Variants in FNDC4 observed in about 807,000 individuals in gnomAD.
The protein encoded by FNDC4 is fibronectin type III domain-containing protein 4.
In FNDC4, 11 loss-of-function variants were observed where a neutral mutation model predicts 25.1. The observed-to-expected ratio is 0.44, with a 90% CI of 0.28 to 0.73. The LOEUF is 0.73. Among genes scored for constraint, FNDC4 ranks in the 30% least tolerant of loss-of-function variants. FNDC4 has a pLI of 0.16. For synonymous variants in FNDC4, 136 were observed against 118.8 expected, an observed-to-expected ratio of 1.14 and a Z score of -0.94; for missense variants, 250 against 304.3, an observed-to-expected ratio of 0.82 and a Z score of 1.33.
intron 5 of FNDC4, 66 bp downstream of exon 5, chr2:27,493,323 C>A (rs2148574067): frequency 7.6e-7 from 1 of 1,323,320 alleles, no homozygotes; most frequent in South Asian, 1.2e-5. Flanking sequence ...TTCTTTTTCT[C>A]CTGACAACCT....
Position 27,492,667 on chromosome 2 carries a change from T to C in FNDC4, c.668A>G (p.Gln223Arg). Residue 223 changes from glutamine to arginine, a missense_variant and splice_region_variant, in exon 6 of 7, where the codon CAG becomes CGG. By Grantham distance (43) the Gln-to-Arg change is conservative. Transcript: ENST00000264703. This position sits in a 1 kb window ranked among gnomAD's most constrained non-coding sequence, Gnocchi z 4.1. ...SPQGRPVGTRQKKSPSINTID... is the reference protein window; with the variant it reads ...SPQGRPVGTRRKKSPSINTID... Reference sequence around the variant, plus strand: ...CGCCCTCACTGGCCCCCACATCACCTGTCTTGTCCCCACTGGCCTTCCCTG... The same window carrying C: ...CGCCCTCACTGGCCCCCACATCACCCGTCTTGTCCCCACTGGCCTTCCCTG... 6.2e-7 allele frequency: 1 copy of C among 1,614,102 alleles called. No homozygotes were observed. Among genetic ancestry groups the C allele is most frequent in the Non-Finnish European group, 8.5e-7 (1 of 1,180,008 alleles).
rs1343575750 is a variant in FNDC4 at position 27,493,456 on chromosome 2, C to T, written c.477G>A (p.Leu159=). ...SSPGDITVEG[L]DGERPLQTGE... is the part of the protein sequence containing the mutation. ...CAGTCTGCAGTGGCCGCTCTCCATC[C>T]AGACCTTCCACTGTGATGTCACCTG... is the stretch of plus-strand genomic sequence containing the variant. Residue 159 remains leucine (L), a synonymous_variant, in exon 5 of 7, where the codon CTG becomes CTA. Coordinates refer to ENST00000264703, the MANE Select transcript of FNDC4 (RefSeq NM_022823.3). The T allele has an allele frequency of 6.2e-7, 1 of 1,613,846 alleles. No individual in the cohort carries two copies.
chr2:27,494,756 G>T lies in FNDC4; in HGVS notation c.-24-53C>A. The T allele has an allele frequency of 1.2e-6, 1 of 846,178 alleles. No homozygotes were observed. Among genetic ancestry groups the T allele is most frequent in the Non-Finnish European group, 1.8e-6 (1 of 556,256 alleles). The allele number at this position is 846,178 out of a possible 1,614,324, so 52.4% of individuals were successfully genotyped here. A position where few individuals can be genotyped will look rare whatever the true frequency, so the allele number is the denominator to read the frequency against. ...CAAGGACTGCCCAGAACGCACGGAG[G>T]TCGGGGGGCAGCAGCTCTCCTGGGC... On this transcript the variant is annotated intron_variant, in intron 1 of 6. Coordinates refer to ENST00000264703, the MANE Select transcript of FNDC4 (RefSeq NM_022823.3). The surrounding 1 kb of genome is among the most constrained non-coding windows in gnomAD (Gnocchi z 4.6).
rs775230151 is a variant in FNDC4 at position 27,492,826 on chromosome 2, T to A, written c.545-36A>T. 1 of 1,613,034 alleles carries A rather than the reference T, an allele frequency of 6.2e-7. No homozygotes were observed. Among genetic ancestry groups the A allele is most frequent in the Non-Finnish European group, 8.5e-7 (1 of 1,179,656 alleles). On this transcript the variant is annotated intron_variant, in intron 5 of 6. Coordinates refer to ENST00000264703, the MANE Select transcript of FNDC4 (RefSeq NM_022823.3). This position sits in a 1 kb window ranked among gnomAD's most constrained non-coding sequence, Gnocchi z 4.1. ...ATACAGTCTGAGCCTTCATCTCCACTTCCCCCCTCATAGGGAGATACCTAC... is the reference window on the plus strand; with the variant it reads ...ATACAGTCTGAGCCTTCATCTCCACATCCCCCCTCATAGGGAGATACCTAC...
chr2:27,494,950 T>C lies in FNDC4; in HGVS notation c.-97A>G. 1 of 322,548 alleles carries C rather than the reference T, an allele frequency of 3.1e-6. No homozygotes were observed. The highest frequency in any genetic ancestry group is 5.6e-6 in the Non-Finnish European group (1 of 178,602). The allele number at this position is 322,548 out of a possible 1,614,324, so 20.0% of individuals were successfully genotyped here. On this transcript the variant is annotated 5_prime_UTR_variant, in exon 1 of 7. Coordinates refer to ENST00000264703, the MANE Select transcript of FNDC4 (RefSeq NM_022823.3). The surrounding 1 kb of genome is among the most constrained non-coding windows in gnomAD (Gnocchi z 4.6). ...CCCAGAGGGCGGCCCATCGCCCGACTCGGTGGCGCTGCCCCTACCCCATCC... is the reference window on the plus strand; with the variant it reads ...CCCAGAGGGCGGCCCATCGCCCGACCCGGTGGCGCTGCCCCTACCCCATCC...
Position 27,494,973 on chromosome 2 carries a change from T to G in FNDC4, c.-120A>C. ...ACTCGGTGGCGCTGCCCCTACCCCA[T>G]CCCGGCGCGGGCCCGGCGACGCGGG... On this transcript the variant is annotated 5_prime_UTR_variant, in exon 1 of 7. It removes an upstream start codon present in the reference 5' UTR. Coordinates refer to ENST00000264703, the MANE Select transcript of FNDC4 (RefSeq NM_022823.3). This position sits in a 1 kb window ranked among gnomAD's most constrained non-coding sequence, Gnocchi z 4.6. The G allele has an allele frequency of 2.6e-5, 6 of 228,022 alleles. No individual in the cohort carries two copies. The highest frequency in any genetic ancestry group is 4.2e-5 in the Non-Finnish European group (5 of 118,226). The allele number at this position is 228,022 out of a possible 1,614,324, so 14.1% of individuals were successfully genotyped here. A position where few individuals can be genotyped will look rare whatever the true frequency, so the allele number is the denominator to read the frequency against.
At position 27,492,306 on chromosome 2, in the gene FNDC4, G is replaced by T; in HGVS notation, c.*137C>A. 1 of 1,061,554 alleles carries T rather than the reference G, an allele frequency of 9.4e-7. No homozygotes were observed. Among genetic ancestry groups the T allele is most frequent in the Non-Finnish European group, 1.5e-6 (1 of 685,980 alleles). 65.8% of individuals were successfully genotyped at this position (1,061,554 alleles called of 1,614,324 possible). On this transcript the variant is annotated 3_prime_UTR_variant, in exon 7 of 7. Coordinates refer to ENST00000264703, the MANE Select transcript of FNDC4 (RefSeq NM_022823.3). This position sits in a 1 kb window ranked among gnomAD's most constrained non-coding sequence, Gnocchi z 4.1. ...CTGGCTCTGCTCACAGTGGAAAGAG[G>T]ATGGGTACCAGGCCTGAGATTGTGG...
rs1053815166 is a variant in FNDC4 at position 27,494,764 on chromosome 2, G to C, written c.-24-61C>G. On this transcript the variant is annotated intron_variant, in intron 1 of 6. Coordinates refer to ENST00000264703, the MANE Select transcript of FNDC4 (RefSeq NM_022823.3). The surrounding 1 kb of genome is among the most constrained non-coding windows in gnomAD (Gnocchi z 4.6). ...GCCCAGAACGCACGGAGGTCGGGGG[G>C]CAGCAGCTCTCCTGGGCTCCCCACA... 1 of 744,086 alleles carries C rather than the reference G, an allele frequency of 1.3e-6. No individual in the cohort carries two copies. Among genetic ancestry groups the C allele is most frequent in the African/African-American group, 1.8e-5 (1 of 56,474 alleles). 46.1% of individuals were successfully genotyped at this position (744,086 alleles called of 1,614,324 possible). A position where few individuals can be genotyped will look rare whatever the true frequency, so the allele number is the denominator to read the frequency against.
chr2:27,492,549 C>T lies in FNDC4; in HGVS notation c.670-71G>A, dbSNP rs2303369. 0.38 allele frequency: 605,681 copies of T among 1,585,768 alleles called. 119,086 individuals carry two copies. Among genetic ancestry groups the T allele is most frequent in the Admixed American group, 0.51 (30,738 of 59,982 alleles). On this transcript the variant is annotated intron_variant, in intron 6 of 6. Transcript: ENST00000264703. The surrounding 1 kb of genome is among the most constrained non-coding windows in gnomAD (Gnocchi z 4.1). ...GTGCCACCCTTTCTCTCCAGCCTCC[C>T]CCATCCCAGATCTTCCATTCTCCAT...
chr2:27,494,178 C>G lies in FNDC4; in HGVS notation c.250-44G>C. ...AGAGGAGGACAGCCTCACCCCAGTGCCAGGCCACAAGGCTCAACCAGAGAC... is the reference window on the plus strand; with the variant it reads ...AGAGGAGGACAGCCTCACCCCAGTGGCAGGCCACAAGGCTCAACCAGAGAC... On this transcript the variant is annotated intron_variant, in intron 3 of 6. Coordinates refer to ENST00000264703, the MANE Select transcript of FNDC4 (RefSeq NM_022823.3). The surrounding 1 kb of genome is among the most constrained non-coding windows in gnomAD (Gnocchi z 4.6). 6.3e-7 allele frequency: 1 copy of G among 1,577,508 alleles called. No homozygotes were observed. Among genetic ancestry groups the G allele is most frequent in the Non-Finnish European group, 8.7e-7 (1 of 1,152,172 alleles).
At position 27,494,637 on chromosome 2, in the gene FNDC4, C is replaced by T. The variant is rs138807650; in HGVS notation, c.43G>A (p.Gly15Arg). ...AGGGGCACCAGCGAAGCCATGTCCCCACGGAGTCCGCTGGGGGGGGAACTG... is the reference window on the plus strand; with the variant it reads ...AGGGGCACCAGCGAAGCCATGTCCCTACGGAGTCCGCTGGGGGGGGAACTG... Reference protein sequence around the residue: ...CHSSPPSGLRGDMASLVPLSP... With the variant: ...CHSSPPSGLRRDMASLVPLSP... The change falls in exon 2 of 7, where the codon GGG becomes AGG. Residue 15 changes from glycine (G) to arginine (R), a missense_variant. By Grantham distance (125) the Gly-to-Arg change is moderately radical. Coordinates refer to ENST00000264703, the MANE Select transcript of FNDC4 (RefSeq NM_022823.3). This position sits in a 1 kb window ranked among gnomAD's most constrained non-coding sequence, Gnocchi z 4.6. 325 of 1,598,448 alleles carry T rather than the reference C, an allele frequency of 2.0e-4. 2 individuals carry two copies. In the African/African-American group the frequency reaches 3.7e-3, roughly 18 times the overall value.
chr2:27,494,409 G>C lies in FNDC4; in HGVS notation c.191C>G (p.Thr64Ser). Residue 64 changes from threonine (T) to serine (S), a missense_variant, in exon 3 of 7, where the codon ACT becomes AGT. Thr to Ser is a moderately conservative substitution (Grantham distance 58, BLOSUM62 1). Transcript: ENST00000264703. The surrounding 1 kb of genome is among the most constrained non-coding windows in gnomAD (Gnocchi z 4.6). ...TVTHLRANSA[T>S]VSWDVPEGNI... Reference sequence around the variant, plus strand: ...GCCTTCTGGGACGTCCCAGGACACAGTGGCCGAGTTGGCTCTGAGGTGAGT... The same window carrying C: ...GCCTTCTGGGACGTCCCAGGACACACTGGCCGAGTTGGCTCTGAGGTGAGT... The C allele has an allele frequency of 6.2e-7, 1 of 1,614,224 alleles. No homozygotes were observed. The highest frequency in any genetic ancestry group is 8.5e-7 in the Non-Finnish European group (1 of 1,180,036).
Position 27,494,460 on chromosome 2 carries a change from G to A in FNDC4, c.140C>T (p.Pro47Leu), listed in dbSNP as rs1428493993. The A allele has an allele frequency of 6.2e-7, 1 of 1,614,082 alleles. No individual in the cohort carries two copies. The highest frequency in any genetic ancestry group is 8.5e-7 in the Non-Finnish European group (1 of 1,179,974). The change falls in exon 3 of 7, where the codon CCT becomes CTT. Residue 47 changes from proline (P) to leucine (L), a missense_variant. Transcript: ENST00000264703. This position sits in a 1 kb window ranked among gnomAD's most constrained non-coding sequence, Gnocchi z 4.6. ...CDLGFVRADR[P>L]PSPVNVTVTH... is the part of the protein sequence containing the mutation. ...GACCGTCACATTCACAGGAGAGGGA[G>A]GCCGGTCTGCGGGAGCCAGGGTGTT...
In FNDC4 at chr2:27,492,357, CG is replaced by C; in HGVS notation, c.*85del. 6.5e-7 allele frequency: 1 copy of C among 1,531,356 alleles called. No individual in the cohort carries two copies. Among genetic ancestry groups the C allele is most frequent in the Admixed American group, 1.7e-5 (1 of 59,870 alleles). 94.9% of individuals were successfully genotyped at this position (1,531,356 alleles called of 1,614,324 possible). A position where few individuals can be genotyped will look rare whatever the true frequency, so the allele number is the denominator to read the frequency against. The stretch of plus-strand genomic sequence containing the variant: ...GAGTGGCATTACCCTCTGGGAGTCT[CG>C]GGCAGATCACCATCTTGGGCTCCCC... On this transcript the variant is annotated 3_prime_UTR_variant, in exon 7 of 7. Coordinates refer to ENST00000264703, the MANE Select transcript of FNDC4 (RefSeq NM_022823.3). The surrounding 1 kb of genome is among the most constrained non-coding windows in gnomAD (Gnocchi z 4.1).
rs762616382 is a variant in FNDC4, at chr2:27,494,658, A to G, written c.22T>C (p.Ser8Pro). 3.8e-6 allele frequency: 6 copies of G among 1,568,868 alleles called. No individual in the cohort carries two copies. Residue 8 changes from serine (S) to proline (P), a missense_variant, in exon 2 of 7, where the codon TCC (serine) becomes CCC (proline). By Grantham distance (74) the Ser-to-Pro change is moderately conservative. Coordinates refer to ENST00000264703, the MANE Select transcript of FNDC4 (RefSeq NM_022823.3). This position sits in a 1 kb window ranked among gnomAD's most constrained non-coding sequence, Gnocchi z 4.6. MPSGCHSSPPSGLRGDMA... is the reference protein window; with the variant it reads MPSGCHSPPPSGLRGDMA... The stretch of plus-strand genomic sequence containing the variant: ...TCCCCACGGAGTCCGCTGGGGGGGG[A>G]ACTGTGGCATCCGCTTGGCATCCGC...
Position 27,492,695 on chromosome 2 carries a change from G to T in FNDC4, c.640C>A (p.Pro214Thr). The part of the protein sequence containing the change: ...KEKGKGPEQS[P>T]QGRPVGTRQK... ...CTTGTCCCCACTGGCCTTCCCTGAG[G>T]ACTCTGTTCCGGCCCCTTTCCCTTC... The change falls in exon 6 of 7, where the codon CCT (proline) becomes ACT (threonine). Residue 214 changes from proline to threonine, a missense_variant. Transcript: ENST00000264703. The surrounding 1 kb of genome is among the most constrained non-coding windows in gnomAD (Gnocchi z 4.1). 6.2e-7 allele frequency: 1 copy of T among 1,614,016 alleles called. No homozygotes were observed. Among genetic ancestry groups the T allele is most frequent in the Non-Finnish European group, 8.5e-7 (1 of 1,180,008 alleles).
chr2:27,494,198 A>G lies in FNDC4; in HGVS notation c.250-64T>C. The stretch of plus-strand genomic sequence containing the variant: ...CAGTGCCAGGCCACAAGGCTCAACC[A>G]GAGACTCTTCAACATCCAAGCACTC... On this transcript the variant is annotated intron_variant, in intron 3 of 6. Transcript: ENST00000264703. This position sits in a 1 kb window ranked among gnomAD's most constrained non-coding sequence, Gnocchi z 4.6. The G allele has an allele frequency of 2.0e-6, 3 of 1,528,682 alleles. No homozygotes were observed. The highest frequency in any genetic ancestry group is 2.7e-6 in the Non-Finnish European group (3 of 1,112,258). 94.7% of individuals were successfully genotyped at this position (1,528,682 alleles called of 1,614,324 possible). A position where few individuals can be genotyped will look rare whatever the true frequency, so the allele number is the denominator to read the frequency against.
intron 5 of FNDC4, 107 bp downstream of exon 5, chr2:27,493,282 G>C: frequency 4.5e-6 from 4 of 898,080 alleles, no homozygotes; most frequent in Non-Finnish European, 7.3e-6. Flanking sequence ...AAAGTGCTGG[G>C]ATTACAGGCG....
At position 27,492,549 on chromosome 2, in the gene FNDC4, C is replaced by G. The variant is rs2303369; in HGVS notation, c.670-71G>C. On this transcript the variant is annotated intron_variant, in intron 6 of 6. Transcript: ENST00000264703. This position sits in a 1 kb window ranked among gnomAD's most constrained non-coding sequence, Gnocchi z 4.1. ...GTGCCACCCTTTCTCTCCAGCCTCC[C>G]CCATCCCAGATCTTCCATTCTCCAT... The G allele has an allele frequency of 6.3e-7, 1 of 1,585,722 alleles. No homozygotes were observed. Among genetic ancestry groups the G allele is most frequent in the African/African-American group, 1.3e-5 (1 of 74,174 alleles).
Sources: allele counts gnomAD v4.1 joint callset, GRCh38; gene constraint gnomAD v4.1.1; non-coding constraint Gnocchi (gnomAD v3.1); transcripts MANE v1.5; gene names NCBI Gene and HGNC (gene_info 2026-07-23, HGNC 2026-07-21).